The following ZNF484 variants were observed in gnomAD, a reference collection of about 807,000 sequenced individuals.
ZNF484 encodes zinc finger protein 484.
A neutral mutation model predicts 12.9 loss-of-function variants in ZNF484; 11 were observed. That is an observed-to-expected ratio of 0.85 (90% CI 0.54 to 1.41). ZNF484 has a LOEUF of 1.41. Among genes scored for constraint, ZNF484 ranks in the 40% most tolerant of loss-of-function variants. ZNF484 has a pLI of 0.00. For synonymous variants in ZNF484, 289 were observed against 334.1 expected, an observed-to-expected ratio of 0.86 and a Z score of 1.47; for missense variants, 807 against 1,007.7, an observed-to-expected ratio of 0.80 and a Z score of 2.70.
At chr9:92,861,400 G>C (rs1412829414) in intron 2 of ZNF484, among the ~76,000 whole-genome samples, 1 of 152,194 alleles carries the variant, frequency 6.6e-6, no homozygotes, top group Non-Finnish European at 1.5e-5. Flanking sequence ...ACAAGCAGCT[G>C]TAAATAGTGT....
intron 1 of ZNF484, among the ~76,000 whole-genome samples, chr9:92,877,103 T>G (rs1274323842): frequency 6.6e-6 from 1 of 152,094 alleles, no homozygotes; most frequent in Non-Finnish European, 1.5e-5. Flanking sequence ...TAACTAAGAT[T>G]CAAAGGGAAA....
chr9:92,844,327 A>C lies in ZNF484; in HGVS notation c.*1901T>G, dbSNP rs1855472686. On this transcript the variant is annotated 3_prime_UTR_variant, in exon 5 of 5. Coordinates refer to ENST00000375495, the MANE Select transcript of ZNF484 (RefSeq NM_031486.4). ...GGTAATAAGGTTATCCCTAAAAGAAACAGAGAAGGAGAATGAGGCAGATGC... is the reference window on the plus strand; with the variant it reads ...GGTAATAAGGTTATCCCTAAAAGAACCAGAGAAGGAGAATGAGGCAGATGC... 6.6e-6 allele frequency among the ~76,000 whole-genome samples: 1 copy of C among 152,210 alleles called. No homozygotes were observed. The highest frequency in any genetic ancestry group is 2.1e-4 in the South Asian group (1 of 4,828).
chr9:92,875,010 C>T lies in ZNF484; in HGVS notation c.15+5G>A. 1.2e-6 allele frequency: 2 copies of T among 1,613,740 alleles called. No individual in the cohort carries two copies. The highest frequency in any genetic ancestry group is 2.2e-5 in the East Asian group (1 of 44,832). On this transcript the variant is annotated splice_donor_5th_base_variant and intron_variant, in intron 2 of 4. Transcript: ENST00000375495. ...AAATAAACAGATGAACAAATAAGAA[C>T]TCACCAGGGACTTGGTCATTTTTGG...
chr9:92,848,137 T>G lies in ZNF484; in HGVS notation c.650A>C (p.His217Pro). ...DGDIFTHLNS[H>P]TEVTACECNQ... ...ACATTCACAAGCAGTCACTTCTGTA[T>G]GAGAATTCAAATGAGTGAAAATATC... The change falls in exon 5 of 5, where the codon CAT becomes CCT. Residue 217 changes from histidine (H) to proline (P), a missense_variant. Physicochemically the swap from His to Pro is moderately conservative, Grantham distance 77 (BLOSUM62 -2). Transcript: ENST00000375495. This position sits in a 1 kb window ranked among gnomAD's most constrained non-coding sequence, Gnocchi z 4.1. The G allele has an allele frequency of 1.2e-6, 2 of 1,614,174 alleles. No homozygotes were observed. The highest frequency in any genetic ancestry group is 2.2e-5 in the East Asian group (1 of 44,882).
chr9:92,859,116 A>C (rs1245139477), intron 2 of ZNF484, among the ~76,000 whole-genome samples: 1 of 152,092 alleles, frequency 6.6e-6, no homozygotes, highest in Admixed American at 6.5e-5. Flanking sequence ...ACAGAGCAAG[A>C]CTCCATCTCA....
chr9:92,848,534 C>T lies in ZNF484; in HGVS notation c.253G>A (p.Gly85Arg). 2 of 1,586,358 alleles carry T rather than the reference C, an allele frequency of 1.3e-6. No individual in the cohort carries two copies. The highest frequency in any genetic ancestry group is 3.8e-5 in the Admixed American group (2 of 53,034). The change falls in exon 5 of 5, where the codon GGA becomes AGA. Residue 85 changes from glycine (G) to arginine (R), a missense_variant. Coordinates refer to ENST00000375495, the MANE Select transcript of ZNF484 (RefSeq NM_031486.4). The surrounding 1 kb of genome is among the most constrained non-coding windows in gnomAD (Gnocchi z 4.1). ...QSRPDGDIGF[G>R]PLQQRMSEEV... ...TCAGACATCCTCTGTTGTAAAGGTC[C>T]AAAACCAATGTCCCCATCTAAAAAA... is the stretch of plus-strand genomic sequence containing the variant.
At chr9:92,850,623 G>A (rs1467639368) in intron 4 of ZNF484, among the ~76,000 whole-genome samples, 1 of 152,092 alleles carries the variant, frequency 6.6e-6, no homozygotes, top group South Asian at 2.1e-4. Flanking sequence ...CACCCAGGCT[G>A]GAGTGGCTGG....
intron 4 of ZNF484, among the ~76,000 whole-genome samples, chr9:92,849,766 G>C (rs555319336): frequency 1.3e-5 from 2 of 152,102 alleles, no homozygotes; most frequent in East Asian, 3.9e-4. Context: ...ACTCCAGCCT[G>C]GGTGACAGAG....
rs1855495115 is a variant in ZNF484 at position 92,844,824 on chromosome 9, T to C, written c.*1404A>G. Among the ~76,000 whole-genome samples the C allele has an allele frequency of 6.6e-6, 1 of 152,094 alleles. No individual in the cohort carries two copies. The highest frequency in any genetic ancestry group is 6.5e-5 in the Admixed American group (1 of 15,270). On this transcript the variant is annotated 3_prime_UTR_variant, in exon 5 of 5. Coordinates refer to ENST00000375495, the MANE Select transcript of ZNF484 (RefSeq NM_031486.4). ...TCCTCAGTAAGAAGCAAAATAATTC[T>C]AGAGGAAAACTTAAAGGACAGGAAG...
chr9:92,857,754 A>C (rs1294238197), intron 2 of ZNF484, among the ~76,000 whole-genome samples: 1 of 152,106 alleles, frequency 6.6e-6, no homozygotes, highest in Non-Finnish European at 1.5e-5. Context: ...CTCTGTGGAG[A>C]AAGATTTTTT....
chr9:92,867,075 C>T (rs1857127498), intron 2 of ZNF484, among the ~76,000 whole-genome samples: 1 of 152,166 alleles, frequency 6.6e-6, no homozygotes, highest in African/African-American at 2.4e-5. Flanking sequence ...GGGGGCCGGG[C>T]ATGGTGGCTC....
intron 1 of ZNF484, among the ~76,000 whole-genome samples, chr9:92,876,076 C>T (rs1035543840): frequency 2.0e-5 from 3 of 151,962 alleles, no homozygotes; most frequent in Non-Finnish European, 4.4e-5. Context: ...GTAAAATGAA[C>T]CACACAATAA....
In ZNF484 at chr9:92,847,963, TC is replaced by T; in HGVS notation, c.823del (p.Glu275LysfsTer125). 1 of 1,614,214 alleles carries T rather than the reference TC, an allele frequency of 6.2e-7. No homozygotes were observed. Among genetic ancestry groups the T allele is most frequent in the Non-Finnish European group, 8.5e-7 (1 of 1,180,050 alleles). ...TTCATGGCATTCATGCTGCTTTTCTTCAGCACAAATACTCTCATGTGCAAAG... is the reference window on the plus strand; with the variant it reads ...TTCATGGCATTCATGCTGCTTTTCTTAGCACAAATACTCTCATGTGCAAAG... ...HAFAHESICA[E>X]EKQHECHECE... On this transcript the variant is annotated frameshift_variant, in exon 5 of 5. Transcript: ENST00000375495. LOFTEE classifies it low-confidence loss of function (END_TRUNC).
At chr9:92,877,812 TCACTGA>T in intron 1 of ZNF484, 72 bp downstream of exon 1, 3 of 1,535,752 alleles carry the variant, frequency 2.0e-6, no homozygotes, top group Non-Finnish European at 2.6e-6. Flanking sequence ...ACCGACCCCA[TCACTGA>T]CCGGAAGGCT....
intron 2 of ZNF484, among the ~76,000 whole-genome samples, chr9:92,873,145 T>TAGGCAGGC (rs547480139): frequency 6.6e-6 from 1 of 151,976 alleles, no homozygotes; most frequent in Non-Finnish European, 1.5e-5. Context: ...TCTCTCTCCA[T>TAGGCAGGC]AGGCAGGCAG....
intron 2 of ZNF484, among the ~76,000 whole-genome samples, chr9:92,861,325 C>T (rs938173026): frequency 6.6e-6 from 1 of 152,136 alleles, no homozygotes. Flanking sequence ...GATAGCAACA[C>T]TCAGATGAAT....
chr9:92,871,858 G>A (rs1001088301), intron 2 of ZNF484, among the ~76,000 whole-genome samples: 1 of 152,308 alleles, frequency 6.6e-6, no homozygotes, highest in South Asian at 2.1e-4. Context: ...TGGCTAAATC[G>A]GCTGTCCTTA....
rs374194989 is a variant in ZNF484 at position 92,848,655 on chromosome 9, A to C, written c.236-104T>G. The C allele has an allele frequency of 8.5e-5, 91 of 1,067,692 alleles. No homozygotes were observed. The South Asian group carries it at 1.5e-3, about 18-fold the overall frequency. The allele number at this position is 1,067,692 out of a possible 1,614,324, so 66.1% of individuals were successfully genotyped here. ...GTAATCCTAGCACTTTGGGAGGCTG[A>C]GGTGGGCAGATCACTTGAGGCCAGG... On this transcript the variant is annotated intron_variant, in intron 4 of 4. Transcript: ENST00000375495. The surrounding 1 kb of genome is among the most constrained non-coding windows in gnomAD (Gnocchi z 4.1).
rs748597457 is a variant in ZNF484, at chr9:92,847,835, G to C, written c.952C>G (p.Arg318Gly). 1.2e-6 allele frequency: 2 copies of C among 1,614,054 alleles called. No individual in the cohort carries two copies. The highest frequency in any genetic ancestry group is 1.7e-6 in the Non-Finnish European group (2 of 1,180,024). The change falls in exon 5 of 5, where the codon CGT (arginine) becomes GGT (glycine). Residue 318 changes from arginine to glycine, a missense_variant. By Grantham distance (125) the Arg-to-Gly change is moderately radical. Coordinates refer to ENST00000375495, the MANE Select transcript of ZNF484 (RefSeq NM_031486.4). ...YEKDFSLKSN[R>G]QKTPYEGNYY... ...TTCCCCTCATAAGGAGTTTTCTGAC[G>C]GTTTGACTTGAGGGAAAAATCCTTC... is the stretch of plus-strand genomic sequence containing the variant.
Sources: gnomAD v4.1 joint callset for allele counts (sites outside exome capture counted in the v4.1 genomes callset) on GRCh38, gnomAD v4.1.1 for gene constraint, Gnocchi (gnomAD v3.1) non-coding constraint, MANE v1.5 for transcripts, NCBI Gene and HGNC (gene_info 2026-07-23, HGNC 2026-07-21) for gene names.